The following ACSM5 variants were observed in gnomAD, a reference collection of about 807,000 sequenced individuals.
ACSM5 encodes the protein acyl-CoA synthetase medium chain family member 5.
ACSM5 carries 56 observed loss-of-function variants against 71.6 expected under a neutral mutation model. The ratio of observed to expected loss-of-function variants is 0.78; its 90% CI spans 0.63 to 0.98. ACSM5 has a LOEUF of 0.98. ACSM5 is among the 50% of genes least tolerant of loss of function. The pLI is 0.00. For missense variants in ACSM5, 723 were observed against 726.0 expected, an observed-to-expected ratio of 1.00 and a Z score of 0.05; for synonymous variants, 285 against 281.5, an observed-to-expected ratio of 1.01 and a Z score of -0.12.
rs1217881828 is a variant in ACSM5, at chr16:20,429,671, G to A, written c.1002-7G>A. The A allele has an allele frequency of 1.2e-6, 2 of 1,613,876 alleles. No homozygotes were observed. The highest frequency in any genetic ancestry group is 1.7e-5 in the Admixed American group (1 of 60,012). On this transcript the variant is annotated splice_region_variant and splice_polypyrimidine_tract_variant and intron_variant, in intron 7 of 13. Coordinates refer to ENST00000331849, the MANE Select transcript of ACSM5 (RefSeq NM_017888.3). ...CATAGGTGGCCTTGTTTTCCTGTCTGAGAAAGGTACCAGTTTCAGAGCCTG... is the reference window on the plus strand; with the variant it reads ...CATAGGTGGCCTTGTTTTCCTGTCTAAGAAAGGTACCAGTTTCAGAGCCTG...
intron 5 of ACSM5, 40 bp from the exon 6 acceptor site, chr16:20,423,876 G>T: frequency 6.2e-7 from 1 of 1,611,254 alleles, no homozygotes; most frequent in Non-Finnish European, 8.5e-7. Flanking sequence ...TAAAGGTAGA[G>T]TCATTGCCAA....
At position 20,441,229 on chromosome 16, in the gene ACSM5, G is replaced by A. The variant is rs1321644225; in HGVS notation, c.*802G>A. Reference sequence around the variant, plus strand: ...TGAGGAGGGAGGGAGAGAAAATAATGGATGGTAGTTTTTCTTCTTCCTTTT... The same window carrying A: ...TGAGGAGGGAGGGAGAGAAAATAATAGATGGTAGTTTTTCTTCTTCCTTTT... On this transcript the variant is annotated 3_prime_UTR_variant, in exon 14 of 14. Transcript: ENST00000331849. The A allele has an allele frequency of 6.6e-6, 1 of 152,148 alleles. No homozygotes were observed. Among genetic ancestry groups the A allele is most frequent in the Non-Finnish European group, 1.5e-5 (1 of 68,026 alleles). 9.4% of individuals were successfully genotyped at this position (152,148 alleles called of 1,614,324 possible).
At chr16:20,427,167 G>C (rs1966997596) in intron 6 of ACSM5, among the ~76,000 whole-genome samples, 1 of 151,896 alleles carries the variant, frequency 6.6e-6, no homozygotes, top group Admixed American at 6.6e-5. Flanking sequence ...CGGGCCTGGT[G>C]GTGGGCACCT....
intron 4 of ACSM5, 51 bp from the exon 5 acceptor site, chr16:20,421,207 A>G: frequency 6.6e-7 from 1 of 1,509,678 alleles, no homozygotes; most frequent in Non-Finnish European, 8.9e-7. Context: ...TATTGGTGCT[A>G]CTAACTGTTT....
At chr16:20,416,353 A>G (rs1398590263) in intron 2 of ACSM5, among the ~76,000 whole-genome samples, 1 of 152,126 alleles carries the variant, frequency 6.6e-6, no homozygotes, top group African/African-American at 2.4e-5. Flanking sequence ...AGTAACCAAG[A>G]CAGTGTGGCA....
Position 20,418,119 on chromosome 16 carries a change from A to G in ACSM5, c.265A>G (p.Lys89Glu). Residue 89 changes from lysine to glutamate, a missense_variant, in exon 3 of 14, where the codon AAG becomes GAG. Transcript: ENST00000331849. ...GGTCAATGGCACAGGAGCAGAGATC[A>G]AGTGGAGCTTTGAGGAGCTGGGGAA... ...WWVNGTGAEI[K>E]WSFEELGKQS... is the part of the protein sequence containing the mutation. The G allele has an allele frequency of 6.2e-7, 1 of 1,613,846 alleles. No individual in the cohort carries two copies. The highest frequency in any genetic ancestry group is 8.5e-7 in the Non-Finnish European group (1 of 1,179,960).
chr16:20,419,242 C>T lies in ACSM5; in HGVS notation c.430C>T (p.Pro144Ser). 1 of 1,614,118 alleles carries T rather than the reference C, an allele frequency of 6.2e-7. No individual in the cohort carries two copies. Among genetic ancestry groups the T allele is most frequent in the Non-Finnish European group, 8.5e-7 (1 of 1,180,018 alleles). ...TTTTATGCCAGGGACTGTGATGATT[C>T]CGGGTGTGACTCAGCTGACAGAGAA... The part of the protein sequence containing the change: ...ACMRTGTVMI[P>S]GVTQLTEKDL... The change falls in exon 4 of 14, where the codon CCG (proline) becomes TCG (serine). Residue 144 changes from proline to serine, a missense_variant. By Grantham distance (74) the Pro-to-Ser change is moderately conservative (BLOSUM62 -1). Transcript: ENST00000331849.
chr16:20,416,254 G>A (rs1286412031), intron 2 of ACSM5, among the ~76,000 whole-genome samples: 2 of 149,706 alleles, frequency 1.3e-5, no homozygotes, highest in Non-Finnish European at 3.0e-5. Context: ...GTATGGAAAT[G>A]CAAGGGACCC....
chr16:20,428,784 G>T (rs111889997), intron 7 of ACSM5, among the ~76,000 whole-genome samples: 2 of 152,046 alleles, frequency 1.3e-5, no homozygotes, highest in African/African-American at 4.8e-5. Flanking sequence ...ATGCTCTTTG[G>T]TAATAATAAG....
At chr16:20,439,124 C>T (rs1967265182) in intron 12 of ACSM5, among the ~76,000 whole-genome samples, 1 of 148,772 alleles carries the variant, frequency 6.7e-6, no homozygotes, top group African/African-American at 2.5e-5. Flanking sequence ...TAATAGAATA[C>T]TGTTAACAGA....
In ACSM5 at chr16:20,430,894, A is replaced by T. The variant is rs868302428; in HGVS notation, c.1126-99A>T. On this transcript the variant is annotated intron_variant, in intron 8 of 13. Transcript: ENST00000331849. The stretch of plus-strand genomic sequence containing the variant: ...AAAGTGAGGGAGGAGAAAAAAGAGG[A>T]TGAGAGAAAGAGTTATCAGGCAGGG... The T allele has an allele frequency of 3.8e-6, 3 of 783,430 alleles. No individual in the cohort carries two copies. The Admixed American group carries it at 7.6e-5, about 20-fold the overall frequency. 48.5% of individuals were successfully genotyped at this position (783,430 alleles called of 1,614,324 possible).
chr16:20,431,483 T>C (rs35178682), intron 10 of ACSM5, among the ~76,000 whole-genome samples, 162 bp downstream of exon 10: 13,108 of 152,182 alleles, frequency 0.086, 697 homozygotes, highest in East Asian at 0.19. Flanking sequence ...AGACTATTAT[T>C]GATAAGGAAG....
At chr16:20,437,431 G>A (rs968916534) in intron 12 of ACSM5, 64 bp downstream of exon 12, 10 of 1,248,792 alleles carry the variant, frequency 8.0e-6, no homozygotes, top group East Asian at 2.4e-5. Flanking sequence ...AGCAGAACAA[G>A]CAGGAAGGCT....
At position 20,415,950 on chromosome 16, in the gene ACSM5, A is replaced by C. The variant is rs146630115; in HGVS notation, c.205-2109A>C. Among the ~76,000 whole-genome samples the C allele has an allele frequency of 5.9e-5, 9 of 152,326 alleles. No homozygotes were observed. In the East Asian group the frequency reaches 9.6e-4, roughly 16 times the overall value. ...CTCAATACTCGAGTAAGGAGCAATAAAAAATGAAGTTAAGAAATGATTTCA... is the reference window on the plus strand; with the variant it reads ...CTCAATACTCGAGTAAGGAGCAATACAAAATGAAGTTAAGAAATGATTTCA... On this transcript the variant is annotated intron_variant, in intron 2 of 13. Coordinates refer to ENST00000331849, the MANE Select transcript of ACSM5 (RefSeq NM_017888.3).
chr16:20,436,505 G>A (rs1242867825), intron 10 of ACSM5, among the ~76,000 whole-genome samples: 1 of 152,068 alleles, frequency 6.6e-6, no homozygotes, highest in Non-Finnish European at 1.5e-5. Context: ...CGAGTAGCTG[G>A]AATTACAGGC....
At chr16:20,411,710 A>G (rs747176388) in intron 2 of ACSM5, 22 bp downstream of exon 2, 1 of 1,612,704 alleles carries the variant, frequency 6.2e-7, no homozygotes, top group Non-Finnish European at 8.5e-7. Context: ...TCTGTCCTAG[A>G]GTCCATCTGG....
Position 20,419,332 on chromosome 16 carries a change from C to T in ACSM5, c.520C>T (p.Pro174Ser). Residue 174 changes from proline to serine, a missense_variant, in exon 4 of 14, where the codon CCA (proline) becomes TCA (serine). Physicochemically the swap from Pro to Ser is moderately conservative, Grantham distance 74. Coordinates refer to ENST00000331849, the MANE Select transcript of ACSM5 (RefSeq NM_017888.3). ...CATTATCACCAGTGACTCCCTAGCTCCAAGGGTGGATGCCATCAGTGCCGA... is the reference window on the plus strand; with the variant it reads ...CATTATCACCAGTGACTCCCTAGCTTCAAGGGTGGATGCCATCAGTGCCGA... ...KSIITSDSLAPRVDAISAECP... is the reference protein window; with the variant it reads ...KSIITSDSLASRVDAISAECP... 1 of 1,614,130 alleles carries T rather than the reference C, an allele frequency of 6.2e-7. No individual in the cohort carries two copies. Among genetic ancestry groups the T allele is most frequent in the Non-Finnish European group, 8.5e-7 (1 of 1,180,010 alleles).
At chr16:20,411,415 T>C in intron 1 of ACSM5, 55 bp from the exon 2 acceptor site, 1 of 1,488,792 alleles carries the variant, frequency 6.7e-7, no homozygotes. Context: ...ACCTATGTGT[T>C]GTCCCCAAAG....
intron 10 of ACSM5, 88 bp from the exon 11 acceptor site, chr16:20,436,964 C>T: frequency 2.0e-6 from 3 of 1,473,548 alleles, no homozygotes; most frequent in South Asian, 1.2e-5. Flanking sequence ...TGAGTGGTCT[C>T]CAGCTTCCTA....
Sources: allele counts gnomAD v4.1 joint callset (sites outside exome capture counted in the v4.1 genomes callset), GRCh38; gene constraint gnomAD v4.1.1; transcripts MANE v1.5; gene names NCBI Gene and HGNC (gene_info 2026-07-23, HGNC 2026-07-21).